Variants in DNAJB6 observed in about 807,000 individuals in gnomAD.
DNAJB6 encodes the protein DnaJ heat shock protein family (Hsp40) member B6.
Under a neutral mutation model 42.7 loss-of-function variants are expected in DNAJB6, and 16 were observed. The observed-to-expected ratio is 0.37, with a 90% CI of 0.25 to 0.57. The LOEUF (loss-of-function observed/expected upper bound fraction) is 0.57. Among genes scored for constraint, DNAJB6 ranks in the 20% least tolerant of loss-of-function variants. The pLI is 0.74. For synonymous variants in DNAJB6, 170 were observed against 163.5 expected (o/e 1.04, Z -0.30); for missense variants, 347 against 416.8 (o/e 0.83, Z 1.46).
At chr7:157,406,544 C>A (rs564552447) in intron 8 of DNAJB6, among the ~76,000 whole-genome samples, 1 of 152,188 alleles carries the variant, frequency 6.6e-6, no homozygotes, top group Non-Finnish European at 1.5e-5. Context: ...TGGGTGTTGC[C>A]GGGACCTGGC....
intron 8 of DNAJB6, among the ~76,000 whole-genome samples, chr7:157,396,195 C>T (rs544396653): frequency 4.0e-5 from 6 of 151,422 alleles, no homozygotes; most frequent in Non-Finnish European, 7.4e-5. Flanking sequence ...GCAATCTGCC[C>T]GCTTCAGCCT....
At chr7:157,341,588 C>T (rs13225107) in intron 1 of DNAJB6, among the ~76,000 whole-genome samples, 83,340 of 151,990 alleles carry the variant, frequency 0.55, 23,213 homozygotes, top group East Asian at 0.75. Context: ...TGCATATATA[C>T]GTGTGTGCTC....
rs904053578 is a variant in DNAJB6 at position 157,358,536 on chromosome 7, T to A, written c.-26-11T>A. Reference sequence around the variant, plus strand: ...GCAGCCTCATCACTGACCACCTGTTTTTACTTGCAGGACCCATTCCAACAA... The same window carrying A: ...GCAGCCTCATCACTGACCACCTGTTATTACTTGCAGGACCCATTCCAACAA... On this transcript the variant is annotated splice_polypyrimidine_tract_variant and intron_variant, in intron 1 of 9. Transcript: ENST00000262177. 1 of 1,591,298 alleles carries A rather than the reference T, an allele frequency of 6.3e-7. No homozygotes were observed. Among genetic ancestry groups the A allele is most frequent in the Admixed American group, 1.7e-5 (1 of 59,942 alleles).
At chr7:157,388,528 T>TGG (rs1258509805) in intron 8 of DNAJB6, among the ~76,000 whole-genome samples, 2 of 152,202 alleles carry the variant, frequency 1.3e-5, no homozygotes, top group African/African-American at 4.8e-5. Context: ...CCATCCATTC[T>TGG]GGGGTGTGCT....
At chr7:157,343,789 G>A (rs945011447) in intron 1 of DNAJB6, among the ~76,000 whole-genome samples, 1 of 152,050 alleles carries the variant, frequency 6.6e-6, no homozygotes, top group Non-Finnish European at 1.5e-5. Context: ...AAACTTAGAG[G>A]TCATTGAATT....
At chr7:157,378,816 C>T (rs1028774962) in intron 5 of DNAJB6, 1 of 152,150 alleles carries the variant, frequency 6.6e-6, no homozygotes, top group Admixed American at 6.5e-5. Flanking sequence ...GAAACCAGCA[C>T]ATGATAAGTA....
At chr7:157,361,166 T>TC (rs1248713468) in intron 2 of DNAJB6, among the ~76,000 whole-genome samples, 1 of 151,898 alleles carries the variant, frequency 6.6e-6, no homozygotes, top group Non-Finnish European at 1.5e-5. Context: ...TACACGTTTT[T>TC]TTTTTTTTTT....
At chr7:157,340,997 T>TGC (rs1554450151) in intron 1 of DNAJB6, among the ~76,000 whole-genome samples, 174 of 118,394 alleles carry the variant, frequency 1.5e-3, no homozygotes, top group East Asian at 4.2e-3. Context: ...TGTGTGTGTG[T>TGC]GCGCGCGCGC....
At chr7:157,383,356 A>G (rs1800884544) in intron 6 of DNAJB6, among the ~76,000 whole-genome samples, 1 of 152,116 alleles carries the variant, frequency 6.6e-6, no homozygotes, top group Non-Finnish European at 1.5e-5. Flanking sequence ...CTCCACGATA[A>G]GAATTGGGAG....
chr7:157,381,546 G>A (rs1160975296), intron 5 of DNAJB6: 2 of 152,184 alleles, frequency 1.3e-5, no homozygotes, highest in African/African-American at 4.8e-5. Context: ...ACTTGGCAGC[G>A]TGATGCTTCC....
At chr7:157,408,786 G>A (rs1202172616) in intron 8 of DNAJB6, among the ~76,000 whole-genome samples, 2 of 152,356 alleles carry the variant, frequency 1.3e-5, no homozygotes, top group East Asian at 3.9e-4. Context: ...GCATTTCAAT[G>A]GCTGAGTGCT....
At chr7:157,383,362 G>A (rs1430716707) in intron 6 of DNAJB6, among the ~76,000 whole-genome samples, 1 of 152,068 alleles carries the variant, frequency 6.6e-6, no homozygotes, top group Non-Finnish European at 1.5e-5. Flanking sequence ...GATAAGAATT[G>A]GGAGAGCTTG....
In DNAJB6 at chr7:157,354,960, T is replaced by C. The variant is rs533675060; in HGVS notation, c.-26-3587T>C. ...GTCGTGTTCTATTTAGGATGTCTGC[T>C]GGACATCCAAGTGGCTGTGTCAAGT... is the stretch of plus-strand genomic sequence containing the variant. On this transcript the variant is annotated intron_variant, in intron 1 of 9. Transcript: ENST00000262177. Among the ~76,000 whole-genome samples, 33 of 152,282 alleles carry C rather than the reference T, an allele frequency of 2.2e-4. No individual in the cohort carries two copies. In the South Asian group the frequency reaches 3.1e-3, roughly 14 times the overall value.
chr7:157,379,607 C>T (rs1478960185), intron 5 of DNAJB6: 2 of 152,184 alleles, frequency 1.3e-5, no homozygotes, highest in East Asian at 3.9e-4. Flanking sequence ...CCTCAGCCTC[C>T]CAAGGAGGTG....
Position 157,369,433 on chromosome 7 carries a change from C to A in DNAJB6, c.346+1950C>A, listed in dbSNP as rs182983512. Reference sequence around the variant, plus strand: ...CATGGTGACCAAGCGAGGAAGAAGGCCCGCTCTTCCAACACCATGGCTTCT... The same window carrying A: ...CATGGTGACCAAGCGAGGAAGAAGGACCGCTCTTCCAACACCATGGCTTCT... On this transcript the variant is annotated intron_variant, in intron 5 of 9. Transcript: ENST00000262177. 1.1e-5 allele frequency: 5 copies of A among 456,382 alleles called. No homozygotes were observed. The Admixed American group carries it at 1.2e-4, about 11-fold the overall frequency. The allele number at this position is 456,382 out of a possible 1,614,324, so 28.3% of individuals were successfully genotyped here. A position where few individuals can be genotyped will look rare whatever the true frequency, so the allele number is the denominator to read the frequency against.
At chr7:157,377,027 A>G (rs1019770666) in intron 5 of DNAJB6, among the ~76,000 whole-genome samples, 2 of 152,110 alleles carry the variant, frequency 1.3e-5, no homozygotes, top group East Asian at 1.9e-4. Context: ...GGGATCATAG[A>G]AAAAAAATGT....
chr7:157,405,814 C>T (rs780816623), intron 8 of DNAJB6, among the ~76,000 whole-genome samples: 6 of 152,246 alleles, frequency 3.9e-5, no homozygotes, highest in Admixed American at 1.3e-4. Context: ...GTGCTTGTTC[C>T]GGTTCTCCTG....
intron 5 of DNAJB6, among the ~76,000 whole-genome samples, chr7:157,377,237 T>C (rs893148944): frequency 6.6e-6 from 1 of 152,072 alleles, no homozygotes; most frequent in African/African-American, 2.4e-5. Flanking sequence ...GATGCACATT[T>C]CCCCCACAAA....
chr7:157,347,986 G>A (rs1473568162), intron 1 of DNAJB6, among the ~76,000 whole-genome samples: 3 of 151,676 alleles, frequency 2.0e-5, no homozygotes, highest in African/African-American at 7.3e-5. Context: ...AGTAGAGATG[G>A]TGTTACGTCA....
Sources: allele counts gnomAD v4.1 joint callset (sites outside exome capture counted in the v4.1 genomes callset), GRCh38; gene constraint gnomAD v4.1.1; transcripts MANE v1.5; gene names NCBI Gene and HGNC (gene_info 2026-07-23, HGNC 2026-07-21).